BIN3: variants seen among roughly 807,000 people sequenced by gnomAD.
BIN3 encodes the protein bridging integrator 3.
BIN3 carries 41 observed loss-of-function variants against 38.2 expected under a neutral mutation model. The observed-to-expected ratio is 1.07, with a 90% CI of 0.84 to 1.39. The LOEUF is 1.39. Ranked by LOEUF, BIN3 falls within the 40% of genes most tolerant of loss-of-function variation. The pLI, the probability that BIN3 is intolerant of heterozygous loss-of-function variation, is 0.00. For synonymous variants in BIN3, 145 were observed against 122.6 expected (o/e 1.18, Z -1.21); for missense variants, 361 against 324.3 (o/e 1.11, Z -0.87).
At position 22,652,883 on chromosome 8, in the gene BIN3, G is replaced by C. The variant is rs1403418747; in HGVS notation, c.9-8080C>G. On this transcript the variant is annotated intron_variant, in intron 1 of 8. Transcript: ENST00000276416. ...TTTGGTTGCCTCTTCATGTGATGCA[G>C]AGTTGGTAGCATCATTTTCTTAGAG... is the stretch of plus-strand genomic sequence containing the variant. 4.6e-5 allele frequency among the ~76,000 whole-genome samples: 7 copies of C among 152,292 alleles called. No homozygotes were observed. The East Asian group carries it at 1.2e-3, about 25-fold the overall frequency.
At chr8:22,648,570 C>A (rs1187610797) in intron 1 of BIN3, among the ~76,000 whole-genome samples, 2 of 152,146 alleles carry the variant, frequency 1.3e-5, no homozygotes, top group African/African-American at 2.4e-5. Flanking sequence ...CTCACCACAT[C>A]ATACCCAGGG....
chr8:22,624,417 G>A, intron 6 of BIN3, 54 bp from the exon 7 acceptor site: 1 of 1,587,652 alleles, frequency 6.3e-7, no homozygotes, highest in Non-Finnish European at 8.6e-7. Flanking sequence ...TGGCCTGGCT[G>A]GAGATGGGTC....
At position 22,652,037 on chromosome 8, in the gene BIN3, CTT is replaced by C. The variant is rs548234988; in HGVS notation, c.9-7236_9-7235del. ...ATCAGATTTTTAATTTCTAAGAGCT[CTT>C]TTAAATTTTCAGGATGTCCTTTTAA... On this transcript the variant is annotated intron_variant, in intron 1 of 8. Coordinates refer to ENST00000276416, the MANE Select transcript of BIN3 (RefSeq NM_018688.6). Among the ~76,000 whole-genome samples the C allele has an allele frequency of 4.0e-4, 58 of 145,018 alleles. No homozygotes were observed. The South Asian group carries it at 0.012, about 30-fold the overall frequency.
chr8:22,653,997 T>C (rs1183464460), intron 1 of BIN3, among the ~76,000 whole-genome samples: 2 of 152,298 alleles, frequency 1.3e-5, no homozygotes, highest in African/African-American at 4.8e-5. Flanking sequence ...AAACTATTCA[T>C]AGTTTTCAAC....
chr8:22,634,738 G>A (rs902479974), intron 4 of BIN3, among the ~76,000 whole-genome samples: 2 of 152,274 alleles, frequency 1.3e-5, no homozygotes, highest in Admixed American at 6.5e-5. Context: ...GAGTGGATGG[G>A]CAACGGTTCC....
chr8:22,667,329 A>T (rs1374368585), intron 1 of BIN3, among the ~76,000 whole-genome samples: 1 of 152,244 alleles, frequency 6.6e-6, no homozygotes, highest in African/African-American at 2.4e-5. Context: ...TCTGTGAGAC[A>T]GGTGGAAACA....
rs1171685729 is a variant in BIN3, at chr8:22,630,012, A to G, written c.298-8T>C. The G allele has an allele frequency of 1.2e-6, 2 of 1,608,098 alleles. No individual in the cohort carries two copies. The highest frequency in any genetic ancestry group is 1.7e-6 in the Non-Finnish European group (2 of 1,176,870). On this transcript the variant is annotated splice_region_variant and splice_polypyrimidine_tract_variant and intron_variant, in intron 5 of 8. Transcript: ENST00000276416. Reference sequence around the variant, plus strand: ...CTTCTGGATCTGGTTCACCTGTCAAAGAAAAACCCAAAGACATTAAAACTG... The same window carrying G: ...CTTCTGGATCTGGTTCACCTGTCAAGGAAAAACCCAAAGACATTAAAACTG...
intron 2 of BIN3, among the ~76,000 whole-genome samples, chr8:22,637,421 C>T (rs947765730): frequency 6.6e-6 from 1 of 152,228 alleles, no homozygotes; most frequent in African/African-American, 2.4e-5. Context: ...CGCGGCCCTC[C>T]ACTCAGGGCC....
chr8:22,654,554 A>G (rs1358542132), intron 1 of BIN3, among the ~76,000 whole-genome samples: 6 of 152,226 alleles, frequency 3.9e-5, no homozygotes, highest in African/African-American at 1.4e-4. Context: ...TTTTCTGGAC[A>G]TTGCACAGAA....
At chr8:22,628,746 C>T (rs1332900242) in intron 6 of BIN3, among the ~76,000 whole-genome samples, 1 of 152,192 alleles carries the variant, frequency 6.6e-6, no homozygotes, top group Non-Finnish European at 1.5e-5. Context: ...GTCTCTGGGA[C>T]CCCTGTGGCC....
chr8:22,625,793 G>C, intron 6 of BIN3: 1 of 187,336 alleles, frequency 5.3e-6, no homozygotes, highest in Admixed American at 5.2e-5. Flanking sequence ...TCACCATGTT[G>C]GCCAGGCTGG....
chr8:22,634,437 GCT>G, intron 4 of BIN3: 1 of 455,354 alleles, frequency 2.2e-6, no homozygotes, highest in Non-Finnish European at 4.4e-6. Context: ...GGTGACGGCG[GCT>G]CCCAGGGAAG....
intron 1 of BIN3, among the ~76,000 whole-genome samples, chr8:22,667,139 A>T (rs185355719): frequency 6.6e-6 from 1 of 152,314 alleles, no homozygotes; most frequent in Admixed American, 6.5e-5. Flanking sequence ...TGAGGGACAA[A>T]GCCACCCTTC....
rs758626086 is a variant in BIN3 at position 22,630,530 on chromosome 8, G to A, written c.209C>T (p.Pro70Leu). 1 of 1,614,024 alleles carries A rather than the reference G, an allele frequency of 6.2e-7. No individual in the cohort carries two copies. The highest frequency in any genetic ancestry group is 1.3e-5 in the African/African-American group (1 of 75,042). The change falls in exon 5 of 9, where the codon CCC (proline) becomes CTC (leucine). Residue 70 changes from proline (P) to leucine (L), a missense_variant. Physicochemically the swap from Pro to Leu is moderately conservative, Grantham distance 98 (BLOSUM62 -3). Transcript: ENST00000276416. ...AAGGTCCTGGTCTTGCTCACAGAGG[G>A]GATTGGAGAGTAAGTCCAAGGATAT... ...VKISLDLLSN[P>L]LCEQDQDLLN...
chr8:22,639,986 C>T (rs1015868556), intron 2 of BIN3, among the ~76,000 whole-genome samples: 2 of 152,088 alleles, frequency 1.3e-5, no homozygotes, highest in South Asian at 2.1e-4. Context: ...CTCAGCCTCC[C>T]GAGTAGCTGG....
intron 1 of BIN3, among the ~76,000 whole-genome samples, chr8:22,659,711 TCTGCCTATTACCAG>T (rs1803170865): frequency 2.6e-5 from 4 of 152,256 alleles, no homozygotes; most frequent in Admixed American, 2.6e-4. Context: ...AAAACCTCAC[TCTGCCTATTACCAG>T]CTGTGAGACT....
At chr8:22,665,278 G>T (rs183573924) in intron 1 of BIN3, among the ~76,000 whole-genome samples, 6 of 152,254 alleles carry the variant, frequency 3.9e-5, no homozygotes, top group Non-Finnish European at 5.9e-5. Context: ...GGTTCTGCAA[G>T]TTTTTATCTT....
chr8:22,633,714 G>C (rs1450732400), intron 4 of BIN3, among the ~76,000 whole-genome samples: 1 of 152,240 alleles, frequency 6.6e-6, no homozygotes, highest in African/African-American at 2.4e-5. Context: ...CATCACCTGG[G>C]AACTCCAGGG....
intron 8 of BIN3, among the ~76,000 whole-genome samples, chr8:22,623,141 TA>T (rs1373617613): frequency 6.6e-6 from 1 of 152,208 alleles, no homozygotes; most frequent in Non-Finnish European, 1.5e-5. Flanking sequence ...GTTGGGGTAC[TA>T]AGGCTGTTGC....
Sources: gnomAD v4.1 joint callset for allele counts (sites outside exome capture counted in the v4.1 genomes callset) on GRCh38, gnomAD v4.1.1 for gene constraint, MANE v1.5 for transcripts, NCBI Gene and HGNC (gene_info 2026-07-23, HGNC 2026-07-21) for gene names.